BMX: variants seen among roughly 807,000 people sequenced by gnomAD.
BMX encodes the protein BMX non-receptor tyrosine kinase.
A neutral mutation model predicts 59.2 loss-of-function variants in BMX; 31 were observed. The observed-to-expected ratio is 0.52, with a 90% CI of 0.39 to 0.71. BMX has a LOEUF of 0.71. BMX is among the 30% of genes least tolerant of loss of function. The pLI is 0.00. For synonymous variants in BMX, 185 were observed against 181.0 expected, an observed-to-expected ratio of 1.02 and a Z score of -0.18; for missense variants, 474 against 491.7, an observed-to-expected ratio of 0.96 and a Z score of 0.34.
In BMX at chrX:15,517,913, T is replaced by C. The variant is rs752236886; in HGVS notation, c.446-16T>C. 1.7e-6 allele frequency: 2 copies of C among 1,188,332 alleles called. No individual in the cohort carries two copies. The highest frequency in any genetic ancestry group is 2.3e-6 in the Non-Finnish European group (2 of 877,255). On this transcript the variant is annotated splice_polypyrimidine_tract_variant and intron_variant, in intron 5 of 18. Coordinates refer to ENST00000348343, the MANE Select transcript of BMX (RefSeq NM_203281.3). Reference sequence around the variant, plus strand: ...GTTTAAAGTTCCTTCTGATATTACTTTGTTTTAATGTTCAGATGCTAATCT... The same window carrying C: ...GTTTAAAGTTCCTTCTGATATTACTCTGTTTTAATGTTCAGATGCTAATCT...
chrX:15,523,249 A>G (rs1013405533), intron 7 of BMX, among the ~76,000 whole-genome samples: 1 of 111,690 alleles, frequency 9.0e-6, no homozygotes, highest in Non-Finnish European at 1.9e-5. Flanking sequence ...CCTCCTTCCT[A>G]TCATGTTGTC....
At chrX:15,502,068 A>G (rs1219424705) in intron 1 of BMX, among the ~76,000 whole-genome samples, 1 of 111,757 alleles carries the variant, frequency 8.9e-6, no homozygotes, top group Non-Finnish European at 1.9e-5. Flanking sequence ...TAGAATATCT[A>G]CTAGGGTGTT....
chrX:15,505,712 G>A (rs1324727788), intron 1 of BMX, among the ~76,000 whole-genome samples: 1 of 111,409 alleles, frequency 9.0e-6, no homozygotes, highest in Non-Finnish European at 1.9e-5. Flanking sequence ...AACAACGCTT[G>A]TAAACCCTTG....
At chrX:15,543,926 C>T (rs1925823514) in intron 16 of BMX, among the ~76,000 whole-genome samples, 1 of 111,760 alleles carries the variant, frequency 8.9e-6, no homozygotes, top group African/African-American at 3.3e-5. Context: ...TACACATTAA[C>T]CTTTCTATTC....
intron 1 of BMX, 51 bp from the exon 2 acceptor site, chrX:15,508,294 G>C (rs1297443705): frequency 1.1e-6 from 1 of 914,730 alleles, no homozygotes; most frequent in African/African-American, 2.0e-5. Flanking sequence ...AGGTTAAAGA[G>C]AACTTACCTA....
At chrX:15,528,080 A>G (rs1924882541) in intron 9 of BMX, among the ~76,000 whole-genome samples, 1 of 112,382 alleles carries the variant, frequency 8.9e-6, no homozygotes, top group South Asian at 3.7e-4. Flanking sequence ...CTCTATTCCC[A>G]TCTTTTCTGA....
intron 14 of BMX, among the ~76,000 whole-genome samples, chrX:15,540,378 C>T (rs192996893): frequency 9.7e-6 from 1 of 102,973 alleles, no homozygotes; most frequent in Non-Finnish European, 2.0e-5. Flanking sequence ...GGAAGTTGAA[C>T]AATGAGAACA....
chrX:15,525,319 A>G lies in BMX; in HGVS notation c.784A>G (p.Asn262Asp). 1 of 1,210,576 alleles carries G rather than the reference A, an allele frequency of 8.3e-7. No homozygotes were observed. Among genetic ancestry groups the G allele is most frequent in the East Asian group, 3.0e-5 (1 of 33,831 alleles). ...SSSSEDVASS[N>D]QKERNVNHTT... is the part of the protein sequence containing the mutation. Reference sequence around the variant, plus strand: ...CAGCAGTGAAGATGTTGCAAGCAGTAACCAAAAAGAAAGAAATGTGAATCA... The same window carrying G: ...CAGCAGTGAAGATGTTGCAAGCAGTGACCAAAAAGAAAGAAATGTGAATCA... Residue 262 changes from asparagine to aspartate, a missense_variant, in exon 8 of 19, where the codon AAC becomes GAC. Coordinates refer to ENST00000348343, the MANE Select transcript of BMX (RefSeq NM_203281.3).
At chrX:15,527,193 CAA>C (rs1188631387) in intron 9 of BMX, among the ~76,000 whole-genome samples, 166 of 14,125 alleles carry the variant, frequency 0.012, no homozygotes, top group African/African-American at 0.042. Flanking sequence ...GACTCTGTCT[CAA>C]AAAAAAAAAA....
intron 1 of BMX, among the ~76,000 whole-genome samples, chrX:15,503,792 C>G (rs1267971296): frequency 1.8e-5 from 2 of 112,249 alleles, no homozygotes; most frequent in Non-Finnish European, 3.8e-5. Context: ...GCTCCACCCA[C>G]TAGCAGTGTG....
At chrX:15,545,668 T>C (rs1042807856) in intron 16 of BMX, among the ~76,000 whole-genome samples, 4 of 111,766 alleles carry the variant, frequency 3.6e-5, no homozygotes, top group Non-Finnish European at 7.5e-5. Flanking sequence ...TCAAGTATTT[T>C]CTATCTATTG....
intron 16 of BMX, among the ~76,000 whole-genome samples, chrX:15,543,975 A>C (rs1925826603): frequency 8.9e-6 from 1 of 111,928 alleles, no homozygotes; most frequent in South Asian, 3.7e-4. Context: ...TCAGTCCTGC[A>C]GGAGATACTG....
Position 15,517,993 on chromosome X carries a change from G to A in BMX, c.510G>A (p.Val170=), listed in dbSNP as rs1317292421. The A allele has an allele frequency of 2.5e-6, 3 of 1,198,154 alleles. No homozygotes were observed. Among genetic ancestry groups the A allele is most frequent in the Non-Finnish European group, 3.4e-6 (3 of 887,544 alleles). The change falls in exon 6 of 19, where the codon GTG becomes GTA. Residue 170 remains valine (V), a splice_region_variant and synonymous_variant. Transcript: ENST00000348343. ...GAGTTCCCACCTTCCCAGACAGAGT[G>A]GTAAGTCAACATTTTAAAAATGTTT... ...KHRVPTFPDR[V]LKIPRAVPVL... is the part of the protein sequence containing the mutation.
chrX:15,522,546 G>A lies in BMX; in HGVS notation c.711G>A (p.Arg237=), dbSNP rs1287065452. The A allele has an allele frequency of 8.3e-7, 1 of 1,211,923 alleles. No homozygotes were observed. The highest frequency in any genetic ancestry group is 1.8e-5 in the South Asian group (1 of 56,986). The change falls in exon 7 of 19, where the codon AGG becomes AGA. Residue 237 remains arginine, a synonymous_variant. Coordinates refer to ENST00000348343, the MANE Select transcript of BMX (RefSeq NM_203281.3). ...ACTTCAACATGCAGTATATTCCAAGGGAAGACTTCCCTGACTGGTGGCAAG... is the reference window on the plus strand; with the variant it reads ...ACTTCAACATGCAGTATATTCCAAGAGAAGACTTCCCTGACTGGTGGCAAG... The part of the protein sequence containing the change: ...QPNFNMQYIP[R]EDFPDWWQVR...
At chrX:15,552,830 T>C (rs1177177391) in intron 18 of BMX, among the ~76,000 whole-genome samples, 3 of 112,365 alleles carry the variant, frequency 2.7e-5, no homozygotes, top group Non-Finnish European at 3.8e-5. Context: ...AGTTGTATTT[T>C]GTTTTCTCAC....
At chrX:15,534,601 G>C (rs1925247347) in intron 12 of BMX, among the ~76,000 whole-genome samples, 1 of 110,673 alleles carries the variant, frequency 9.0e-6, no homozygotes, top group African/African-American at 3.3e-5. Flanking sequence ...ATATTCGTAG[G>C]GTTTTTCTGT....
chrX:15,533,480 A>G (rs1006113691), intron 11 of BMX, among the ~76,000 whole-genome samples: 18 of 112,126 alleles, frequency 1.6e-4, no homozygotes, highest in Non-Finnish European at 2.6e-4. Context: ...TTTGCTATAC[A>G]GCAACAATTT....
In BMX at chrX:15,506,115, C is replaced by T. The variant is rs963539651; in HGVS notation, c.-9-2230C>T. Among the ~76,000 whole-genome samples, 4 of 110,514 alleles carry T rather than the reference C, an allele frequency of 3.6e-5. No homozygotes were observed. In the East Asian group the frequency reaches 1.1e-3, roughly 31 times the overall value. ...CTATGTTTCCCAGGCTGGTCTCAAACTTCTGACCTCAAGCGATTCTCCCTC... is the reference window on the plus strand; with the variant it reads ...CTATGTTTCCCAGGCTGGTCTCAAATTTCTGACCTCAAGCGATTCTCCCTC... On this transcript the variant is annotated intron_variant, in intron 1 of 18. Coordinates refer to ENST00000348343, the MANE Select transcript of BMX (RefSeq NM_203281.3).
At chrX:15,544,921 C>G (rs890649353) in intron 16 of BMX, among the ~76,000 whole-genome samples, 1 of 111,440 alleles carries the variant, frequency 9.0e-6, no homozygotes, top group Non-Finnish European at 1.9e-5. Context: ...AGTGAGATCT[C>G]TAAAACATTT....
Sources: gnomAD v4.1 joint callset for allele counts (sites outside exome capture counted in the v4.1 genomes callset) on GRCh38, gnomAD v4.1.1 for gene constraint, MANE v1.5 for transcripts, NCBI Gene and HGNC (gene_info 2026-07-23, HGNC 2026-07-21) for gene names.